Variants in NOX4 observed in about 807,000 individuals in gnomAD.
NOX4 encodes the protein kidney oxidase-1.
A neutral mutation model predicts 87.6 loss-of-function variants in NOX4; 69 were observed. That is an observed-to-expected ratio of 0.79 (90% CI 0.65 to 0.96). NOX4 has a LOEUF of 0.96. Ranked by LOEUF, NOX4 falls within the 40% of genes least tolerant of loss-of-function variation. The pLI is 0.00. For synonymous variants in NOX4, 275 were observed against 238.2 expected (o/e 1.15, Z -1.42); for missense variants, 680 against 681.5 (o/e 1.00, Z 0.02).
chr11:89,520,066 T>C, the NOX4 span, among the ~76,000 whole-genome samples: 14 of 152,122 alleles, frequency 9.2e-5, no homozygotes, highest in African/African-American at 2.9e-4. Context: ...AATGAGTTTG[T>C]ACCATTATGA....
rs141984523 is a variant in NOX4 at position 89,459,557 on chromosome 11, C to T, written c.154-7662G>A. 9.4e-3 allele frequency among the ~76,000 whole-genome samples: 1,425 copies of T among 152,182 alleles called. 21 individuals carry two copies. Among genetic ancestry groups the T allele is most frequent in the African/African-American group, 0.033 (1,375 of 41,510 alleles). On this transcript the variant is annotated intron_variant, in intron 2 of 17. Coordinates refer to ENST00000263317, the MANE Select transcript of NOX4 (RefSeq NM_016931.5). Reference sequence around the variant, plus strand: ...CAAATCATGAGTGAACTCCCATTCACAATTGCTTCAAAGAGAATAAAATAC... The same window carrying T: ...CAAATCATGAGTGAACTCCCATTCATAATTGCTTCAAAGAGAATAAAATAC...
chr11:89,402,156 T>A (rs934419998), intron 9 of NOX4, among the ~76,000 whole-genome samples, 170 bp downstream of exon 9: 1 of 152,134 alleles, frequency 6.6e-6, no homozygotes, highest in African/African-American at 2.4e-5. Flanking sequence ...ACCTTTTGCA[T>A]TGAACTCTCA....
chr11:89,576,134 G>T, the NOX4 span, among the ~76,000 whole-genome samples: 1 of 152,148 alleles, frequency 6.6e-6, no homozygotes, highest in Non-Finnish European at 1.5e-5. Flanking sequence ...TTTTCTCTTT[G>T]GAGGTTAAAT....
intron 7 of NOX4, among the ~76,000 whole-genome samples, chr11:89,429,057 A>T (rs1305221409): frequency 6.6e-6 from 1 of 152,180 alleles, no homozygotes; most frequent in African/African-American, 2.4e-5. Context: ...TTAAGAACTC[A>T]CTCAAAACCG....
chr11:89,410,321 T>C (rs1451999231), intron 8 of NOX4, among the ~76,000 whole-genome samples: 1 of 152,140 alleles, frequency 6.6e-6, no homozygotes. Flanking sequence ...TTAGAGATTA[T>C]CCTTTATTGT....
At chr11:89,518,488 T>A in the NOX4 span, among the ~76,000 whole-genome samples, 1 of 152,076 alleles carries the variant, frequency 6.6e-6, no homozygotes, top group African/African-American at 2.4e-5. Flanking sequence ...AGGGATTCTA[T>A]CGTAGTAATT....
intron 2 of NOX4, among the ~76,000 whole-genome samples, chr11:89,463,265 C>T (rs2135421599): frequency 6.6e-6 from 1 of 151,998 alleles, no homozygotes; most frequent in East Asian, 1.9e-4. Context: ...AGCTGTGCTT[C>T]ATACAAGCTA....
At chr11:89,397,727 A>C (rs1941582616) in intron 11 of NOX4, among the ~76,000 whole-genome samples, 1 of 152,176 alleles carries the variant, frequency 6.6e-6, no homozygotes, top group Non-Finnish European at 1.5e-5. Flanking sequence ...GAAATAGATA[A>C]ATTCCTCGAC....
chr11:89,501,494 A>G (rs1402346874), upstream of NOX4, among the ~76,000 whole-genome samples: 1 of 152,092 alleles, frequency 6.6e-6, no homozygotes, highest in Non-Finnish European at 1.5e-5. Flanking sequence ...ATTGCTCAAA[A>G]GATTGTTTTT....
At chr11:89,444,064 G>GA (rs1326984180) in intron 5 of NOX4, 71 bp downstream of exon 5, 1 of 1,347,486 alleles carries the variant, frequency 7.4e-7, no homozygotes, top group African/African-American at 1.4e-5. Flanking sequence ...AATTTTCAGG[G>GA]AAAAATCACA....
intron 7 of NOX4, among the ~76,000 whole-genome samples, chr11:89,422,278 ATAG>A (rs149155868): frequency 0.035 from 5,273 of 152,286 alleles, 320 homozygotes; most frequent in African/African-American, 0.12. Context: ...TAAGAAGCAG[ATAG>A]TAGTCTGCTA....
At chr11:89,448,792 A>AGGATGGCTTAAGCCT (rs1227618741) in intron 4 of NOX4, among the ~76,000 whole-genome samples, 6 of 152,064 alleles carry the variant, frequency 3.9e-5, no homozygotes, top group African/African-American at 1.4e-4. Flanking sequence ...CTGAGGTGGG[A>AGGATGGCTTAAGCCT]GGATGGCTTA....
the NOX4 span, among the ~76,000 whole-genome samples, chr11:89,576,744 C>T: frequency 6.6e-6 from 1 of 152,224 alleles, no homozygotes; most frequent in South Asian, 2.1e-4. Flanking sequence ...CATATAATCT[C>T]ATATTCATTT....
intron 12 of NOX4, among the ~76,000 whole-genome samples, chr11:89,356,365 A>G (rs1319207189): frequency 2.0e-5 from 3 of 151,426 alleles, no homozygotes; most frequent in African/African-American, 7.3e-5. Flanking sequence ...AGTAAACTTC[A>G]GTGCATATGA....
chr11:89,560,442 G>A, the NOX4 span, among the ~76,000 whole-genome samples: 1 of 152,050 alleles, frequency 6.6e-6, no homozygotes, highest in Admixed American at 6.6e-5. Context: ...GTGGTATTTT[G>A]TGACAGCAAT....
the NOX4 span, among the ~76,000 whole-genome samples, chr11:89,571,865 C>A: frequency 2.0e-5 from 3 of 152,082 alleles, no homozygotes; most frequent in Non-Finnish European, 4.4e-5. Context: ...AAAGGACAGA[C>A]GGAACTCAAA....
intron 11 of NOX4, among the ~76,000 whole-genome samples, chr11:89,376,185 G>C (rs1188325562): frequency 6.6e-6 from 1 of 152,138 alleles, no homozygotes; most frequent in Admixed American, 6.6e-5. Flanking sequence ...TCTTGGAAAT[G>C]AAGTCTTTAT....
chr11:89,414,693 AG>A (rs1942669001), intron 8 of NOX4, among the ~76,000 whole-genome samples: 1 of 151,278 alleles, frequency 6.6e-6, no homozygotes, highest in African/African-American at 2.4e-5. Flanking sequence ...TATCTTAACA[AG>A]GTCAAACATT....
chr11:89,470,076 A>AAAG (rs1945862415), intron 2 of NOX4, among the ~76,000 whole-genome samples: 1 of 149,560 alleles, frequency 6.7e-6, no homozygotes, highest in Non-Finnish European at 1.5e-5. Context: ...TGCAAAATGA[A>AAAG]AATAATAATA....
Sources: allele counts gnomAD v4.1 joint callset (sites outside exome capture counted in the v4.1 genomes callset), GRCh38; gene constraint gnomAD v4.1.1; transcripts MANE v1.5; gene names NCBI Gene and HGNC (gene_info 2026-07-23, HGNC 2026-07-21).